The following SPECC1 variants were observed in gnomAD, a reference collection of about 807,000 sequenced individuals.
The protein encoded by SPECC1 is sperm antigen with calponin homology and coiled-coil domains 1.
A neutral mutation model predicts 104.1 loss-of-function variants in SPECC1; 62 were observed. The ratio of observed to expected loss-of-function variants is 0.60; its 90% CI spans 0.49 to 0.74. The LOEUF (loss-of-function observed/expected upper bound fraction) is 0.74, where lower values mean the gene tolerates loss of function less well. Among genes scored for constraint, SPECC1 ranks in the 30% least tolerant of loss-of-function variants. The pLI is 0.00. For synonymous variants in SPECC1, 513 were observed against 501.6 expected (o/e 1.02, Z -0.30); for missense variants, 1,306 against 1,310.5 (o/e 1.00, Z 0.05).
Position 20,080,590 on chromosome 17 carries a change from G to A in SPECC1, c.-21-16041G>A, listed in dbSNP as rs976339145. Among the ~76,000 whole-genome samples the A allele has an allele frequency of 3.9e-5, 6 of 151,988 alleles. No individual in the cohort carries two copies. The East Asian group carries it at 9.7e-4, about 24-fold the overall frequency. On this transcript the variant is annotated intron_variant, in intron 1 of 14. Coordinates refer to ENST00000395527, the MANE Select transcript of SPECC1 (RefSeq NM_001243439.2). ...GCTGCCTCTTGGGGAAGGCAGTCTC[G>A]GGGAGGTTTCGCAGTGGGTAAAGAA...
At chr17:20,236,800 AGAC>A in intron 7 of SPECC1, 1 of 1,608,418 alleles carries the variant, frequency 6.2e-7, no homozygotes, top group East Asian at 2.2e-5. Context: ...TTGTGAACTA[AGAC>A]TGTATTGCCT....
intron 1 of SPECC1, among the ~76,000 whole-genome samples, chr17:20,022,188 G>A (rs746555014): frequency 7.9e-5 from 12 of 152,050 alleles, no homozygotes; most frequent in Non-Finnish European, 1.3e-4. Context: ...TGATCCGCCC[G>A]CCTCGGCCTC....
intron 13 of SPECC1, among the ~76,000 whole-genome samples, chr17:20,298,978 G>GTGTGTGTGTGTGTGT (rs747414391): frequency 3.3e-3 from 98 of 29,452 alleles, no homozygotes; most frequent in East Asian, 0.028. Flanking sequence ...TGTGTATGTA[G>GTGTGTGTGTGTGTGT]AGAGAGAGAG....
intron 3 of SPECC1, among the ~76,000 whole-genome samples, chr17:20,176,517 T>C (rs548080850): frequency 6.6e-6 from 1 of 152,262 alleles, no homozygotes; most frequent in South Asian, 2.1e-4. Context: ...ACTACAAATT[T>C]AGTGGATTCA....
intron 1 of SPECC1, among the ~76,000 whole-genome samples, chr17:20,093,730 TTTG>T (rs1211471158): frequency 2.3e-4 from 9 of 39,726 alleles, no homozygotes; most frequent in South Asian, 5.0e-4. Flanking sequence ...GTTTTTGTTT[TTTG>T]TTTTTTTTTT....
intron 3 of SPECC1, among the ~76,000 whole-genome samples, chr17:20,197,048 C>T (rs2036085833): frequency 6.6e-6 from 1 of 152,116 alleles, no homozygotes; most frequent in Non-Finnish European, 1.5e-5. Flanking sequence ...ATGTATATAG[C>T]TACCCAGAAA....
At chr17:20,212,621 A>G (rs748117482) in intron 4 of SPECC1, among the ~76,000 whole-genome samples, 1 of 152,148 alleles carries the variant, frequency 6.6e-6, no homozygotes, top group Non-Finnish European at 1.5e-5. Flanking sequence ...CTCCCACAAC[A>G]TGTGGGAATA....
At chr17:20,215,003 T>C (rs550726276) in intron 4 of SPECC1, among the ~76,000 whole-genome samples, 5 of 152,300 alleles carry the variant, frequency 3.3e-5, no homozygotes, top group Admixed American at 2.6e-4. Flanking sequence ...GAAGGGAGCG[T>C]TATCTGCTGG....
chr17:20,219,236 C>T (rs1769172912), intron 4 of SPECC1, among the ~76,000 whole-genome samples: 1 of 152,156 alleles, frequency 6.6e-6, no homozygotes, highest in Non-Finnish European at 1.5e-5. Flanking sequence ...GTACTGTTTT[C>T]CATAGTGGCT....
At chr17:20,207,808 AAGAGT>A (rs2036883458) in intron 4 of SPECC1, among the ~76,000 whole-genome samples, 8 of 152,304 alleles carry the variant, frequency 5.3e-5, no homozygotes, top group East Asian at 3.9e-4. Flanking sequence ...TCCTATCCAG[AAGAGT>A]AGAGTATGTC....
intron 1 of SPECC1, among the ~76,000 whole-genome samples, chr17:20,029,415 G>A (rs893459004): frequency 6.6e-6 from 1 of 152,154 alleles, no homozygotes; most frequent in African/African-American, 2.4e-5. Context: ...TGTCTTAGTA[G>A]TTCCCTTAGG....
chr17:20,213,524 A>G (rs778989708), intron 4 of SPECC1, among the ~76,000 whole-genome samples: 4 of 152,252 alleles, frequency 2.6e-5, no homozygotes, highest in Admixed American at 2.0e-4. Context: ...CCCTTTGAAG[A>G]AAACCACCTT....
rs142303929 is a variant in SPECC1, at chr17:20,309,565, T to C, written c.3117+3483T>C. Among the ~76,000 whole-genome samples the C allele has an allele frequency of 2.1e-3, 316 of 151,988 alleles. 2 individuals are homozygous for C. Among genetic ancestry groups the C allele is most frequent in the African/African-American group, 7.2e-3 (298 of 41,390 alleles). On this transcript the variant is annotated intron_variant, in intron 14 of 14. Coordinates refer to ENST00000395527, the MANE Select transcript of SPECC1 (RefSeq NM_001243439.2). ...GCCTCCCTCCCTCCTTTCTCCCTCT[T>C]GTAGTCCCCAGTGTCTACTGTCCCC... is the stretch of plus-strand genomic sequence containing the variant.
chr17:20,145,189 C>T (rs1036481543), intron 3 of SPECC1, among the ~76,000 whole-genome samples: 2 of 152,154 alleles, frequency 1.3e-5, no homozygotes, highest in African/African-American at 2.4e-5. Context: ...TGGCAACAGG[C>T]CTGCATTAAA....
At chr17:20,195,644 G>T (rs1392511729) in intron 3 of SPECC1, among the ~76,000 whole-genome samples, 2 of 150,924 alleles carry the variant, frequency 1.3e-5, no homozygotes, top group African/African-American at 4.9e-5. Context: ...TGCAACCTCT[G>T]CCTCCCGGGT....
chr17:20,076,644 T>A (rs1371445413), intron 1 of SPECC1, among the ~76,000 whole-genome samples: 2 of 152,260 alleles, frequency 1.3e-5, no homozygotes, highest in Admixed American at 1.3e-4. Flanking sequence ...TAACCGTCTT[T>A]GTCCATGGAA....
At chr17:20,293,730 C>T (rs2041247649) in intron 12 of SPECC1, among the ~76,000 whole-genome samples, 1 of 152,242 alleles carries the variant, frequency 6.6e-6, no homozygotes, top group Non-Finnish European at 1.5e-5. Context: ...AAGCTATGCC[C>T]CGCTTCTGCA....
At chr17:20,110,236 G>A (rs1306121025) in intron 2 of SPECC1, among the ~76,000 whole-genome samples, 191 bp from the exon 3 acceptor site, 1 of 152,124 alleles carries the variant, frequency 6.6e-6, no homozygotes, top group African/African-American at 2.4e-5. Flanking sequence ...GATCATACTC[G>A]GACCTGTTAT....
chr17:20,164,260 A>G (rs561783784), intron 3 of SPECC1, among the ~76,000 whole-genome samples: 1 of 150,174 alleles, frequency 6.7e-6, no homozygotes, highest in Admixed American at 6.7e-5. Context: ...TGCAGCCTTG[A>G]CCTTCCTCTC....
Sources: gnomAD v4.1 joint callset for allele counts (sites outside exome capture counted in the v4.1 genomes callset) on GRCh38, gnomAD v4.1.1 for gene constraint, MANE v1.5 for transcripts, NCBI Gene and HGNC (gene_info 2026-07-23, HGNC 2026-07-21) for gene names.